Variants in SLC8A1 observed in about 807,000 individuals in gnomAD.
The protein encoded by SLC8A1 is solute carrier family 8 member A1.
In SLC8A1, 18 loss-of-function variants were observed where a neutral mutation model predicts 68.3. The ratio of observed to expected loss-of-function variants is 0.26; its 90% CI spans 0.18 to 0.39. The LOEUF is 0.39. Ranked by LOEUF, SLC8A1 falls within the 10% of genes least tolerant of loss-of-function variation. The pLI is 1.00. For missense variants in SLC8A1, 985 were observed against 1,156.7 expected (o/e 0.85, Z 2.15); for synonymous variants, 475 against 415.5 (o/e 1.14, Z -1.74).
intron 2 of SLC8A1, among the ~76,000 whole-genome samples, chr2:40,398,455 T>A (rs544854715): frequency 6.6e-6 from 1 of 152,194 alleles, no homozygotes; most frequent in African/African-American, 2.4e-5. Context: ...AGAATTACAA[T>A]AGCAATACAA....
intron 1 of SLC8A1, among the ~76,000 whole-genome samples, chr2:40,448,093 G>C (rs182799079): frequency 6.6e-6 from 1 of 152,178 alleles, no homozygotes; most frequent in African/African-American, 2.4e-5. Flanking sequence ...CAAGGACTAC[G>C]AGCAACTGTC....
intron 2 of SLC8A1, among the ~76,000 whole-genome samples, chr2:40,273,941 T>TGGGG (rs2066375994): frequency 6.6e-6 from 1 of 151,100 alleles, no homozygotes; most frequent in Non-Finnish European, 1.5e-5. Context: ...TGCTTCTACT[T>TGGGG]CACCAGGGGG....
At chr2:40,347,328 A>G (rs546728864) in intron 2 of SLC8A1, among the ~76,000 whole-genome samples, 1 of 152,276 alleles carries the variant, frequency 6.6e-6, no homozygotes, top group South Asian at 2.1e-4. Context: ...TATCAACCTA[A>G]CCATGTAAAA....
intron 2 of SLC8A1, among the ~76,000 whole-genome samples, chr2:40,179,311 G>A (rs570940047): frequency 2.1e-4 from 32 of 152,302 alleles, no homozygotes; most frequent in East Asian, 1.4e-3. Flanking sequence ...AAACATCACC[G>A]ATACACCAAG....
chr2:40,340,533 C>T (rs1455408773), intron 2 of SLC8A1, among the ~76,000 whole-genome samples: 1 of 152,120 alleles, frequency 6.6e-6, no homozygotes, highest in Non-Finnish European at 1.5e-5. Context: ...TGCACTCCAG[C>T]CTGGCCAACA....
chr2:40,297,422 G>C (rs2192769), intron 2 of SLC8A1, among the ~76,000 whole-genome samples: 39,616 of 151,940 alleles, frequency 0.26, 5,243 homozygotes, highest in East Asian at 0.38. Flanking sequence ...TTCTCTTTCA[G>C]GCATAAAATC....
chr2:40,342,268 C>A (rs1304977523), intron 2 of SLC8A1, among the ~76,000 whole-genome samples: 1 of 152,128 alleles, frequency 6.6e-6, no homozygotes, highest in Non-Finnish European at 1.5e-5. Flanking sequence ...CCTATATATA[C>A]TTAGCTCTGC....
chr2:40,400,084 C>T (rs371554278), intron 2 of SLC8A1, among the ~76,000 whole-genome samples: 1 of 152,160 alleles, frequency 6.6e-6, no homozygotes, highest in Non-Finnish European at 1.5e-5. Flanking sequence ...CTTGCTCAAT[C>T]GATCACGACC....
intron 2 of SLC8A1, chr2:40,189,839 A>C (rs1005781763): frequency 6.6e-6 from 1 of 152,118 alleles, no homozygotes; most frequent in Non-Finnish European, 1.5e-5. Flanking sequence ...TTTTCCCGAC[A>C]ATCCTCCTCA....
chr2:40,115,494 G>A (rs915266590), exon 8 of SLC8A1: 1 of 1,614,240 alleles, frequency 6.2e-7, no homozygotes. Flanking sequence ...CCCATTGGCT[G>A]CGTGGTAGAT....
chr2:40,344,015 A>G (rs2149418560), intron 2 of SLC8A1, among the ~76,000 whole-genome samples: 1 of 152,312 alleles, frequency 6.6e-6, no homozygotes, highest in East Asian at 1.9e-4. Flanking sequence ...CTTTATGAGC[A>G]AGAGAGTGTG....
At chr2:40,127,738 C>T (rs575170697) in intron 7 of SLC8A1, among the ~76,000 whole-genome samples, 1 of 152,230 alleles carries the variant, frequency 6.6e-6, no homozygotes, top group South Asian at 2.1e-4. Flanking sequence ...CAAAAAGTCC[C>T]CTGGGCTCCA....
intron 2 of SLC8A1, among the ~76,000 whole-genome samples, chr2:40,361,887 C>CTTTTTTTTTTTTTTTTTTTTTTT (rs1172909749): frequency 5.6e-5 from 3 of 53,104 alleles, no homozygotes; most frequent in Non-Finnish European, 3.3e-5. Flanking sequence ...CTTTTCTTTC[C>CTTTTTTTTTTTTTTTTTTTTTTT]TTTTTTTTTT....
At chr2:40,149,901 T>G (rs1371546209) in intron 6 of SLC8A1, among the ~76,000 whole-genome samples, 1 of 151,886 alleles carries the variant, frequency 6.6e-6, no homozygotes, top group African/African-American at 2.4e-5. Context: ...AGGGCAGACA[T>G]GGAGTATCTG....
chr2:40,392,130 C>A lies in SLC8A1; in HGVS notation c.1808+36343G>T, dbSNP rs552844545. On this transcript the variant is annotated intron_variant, in intron 2 of 7. Coordinates refer to ENST00000406785, the Ensembl canonical transcript of SLC8A1. ...ATGAACAAAGAGTGAACAAATGAAC[C>A]AACGGAAGAATGAAAAATAAAAGAA... Among the ~76,000 whole-genome samples the A allele has an allele frequency of 7.0e-5, 9 of 127,668 alleles. 1 individual carries two copies. Among genetic ancestry groups the A allele is most frequent in the African/African-American group, 1.8e-4 (6 of 34,218 alleles). 83.8% of individuals were successfully genotyped at this position (127,668 alleles called of 152,430 possible). A position where few individuals can be genotyped will look rare whatever the true frequency, so the allele number is the denominator to read the frequency against.
intron 2 of SLC8A1, among the ~76,000 whole-genome samples, chr2:40,275,852 G>C (rs577202275): frequency 2.0e-5 from 3 of 152,298 alleles, no homozygotes; most frequent in Non-Finnish European, 2.9e-5. Context: ...TGTTGTTGGT[G>C]AAGTGGGGCA....
At chr2:40,290,093 T>A (rs1205582507) in intron 2 of SLC8A1, among the ~76,000 whole-genome samples, 2 of 146,166 alleles carry the variant, frequency 1.4e-5, no homozygotes, top group Non-Finnish European at 3.0e-5. Context: ...GGAGGAGGAG[T>A]TTTTGCTTAT....
At chr2:40,166,757 AC>A (rs2046614381) in intron 4 of SLC8A1, among the ~76,000 whole-genome samples, 1 of 152,164 alleles carries the variant, frequency 6.6e-6, no homozygotes, top group African/African-American at 2.4e-5. Context: ...TGATCCTTGA[AC>A]CCAGGATAAT....
chr2:40,330,974 A>G (rs1447089092), intron 2 of SLC8A1, among the ~76,000 whole-genome samples: 3 of 152,224 alleles, frequency 2.0e-5, no homozygotes, highest in Admixed American at 6.5e-5. Flanking sequence ...GTCTCAAAAG[A>G]CAATAAATAC....
Sources: gnomAD v4.1 joint callset for allele counts (sites outside exome capture counted in the v4.1 genomes callset) on GRCh38, gnomAD v4.1.1 for gene constraint, MANE v1.5 for transcripts, NCBI Gene and HGNC (gene_info 2026-07-23, HGNC 2026-07-21) for gene names.